RECQL: variants seen among roughly 807,000 people sequenced by gnomAD.
RECQL encodes RecQ like helicase.
Under a neutral mutation model 75.8 loss-of-function variants are expected in RECQL, and 73 were observed. The ratio of observed to expected loss-of-function variants is 0.96; its 90% confidence interval spans 0.80 to 1.17. The LOEUF (loss-of-function observed/expected upper bound fraction) is 1.17, where lower values mean the gene tolerates loss of function less well. Among genes scored for constraint, RECQL ranks in the 50% most tolerant of loss-of-function variants. The probability of loss-of-function intolerance (pLI) is 0.00; values close to 1 mark genes in which losing one functional copy is unlikely to be tolerated. For missense variants in RECQL, 699 were observed against 772.1 expected (o/e 0.91, Z 1.12); for synonymous variants, 248 against 254.4 (o/e 0.97, Z 0.24).
chr12:21,494,222 G>A lies in RECQL; in HGVS notation c.17-2506C>T, dbSNP rs78572214. Among the ~76,000 whole-genome samples, 1,005 of 152,130 alleles carry A rather than the reference G, an allele frequency of 6.6e-3. 10 individuals carry two copies. Among genetic ancestry groups the A allele is most frequent in the Middle Eastern group, 0.02 (6 of 294 alleles). The stretch of plus-strand genomic sequence containing the variant: ...AAGAACTCAGTCATTACCATAGGGA[G>A]GGCACCAAACCATTCATGAGGGATC... On this transcript the variant is annotated intron_variant, in intron 2 of 14. Coordinates refer to ENST00000444129, the MANE Select transcript of RECQL (RefSeq NM_002907.4).
Position 21,483,438 on chromosome 12 carries a change from A to G in RECQL, c.638T>C (p.Phe213Ser). 1.2e-6 allele frequency: 2 copies of G among 1,606,522 alleles called. No individual in the cohort carries two copies. The highest frequency in any genetic ancestry group is 2.2e-5 in the South Asian group (2 of 89,652). ...RLEKAYEARR[F>S]TRIAVDEVHC... Reference sequence around the variant, plus strand: ...AACTTCATCCACAGCAATTCGAGTAAATCTCCTTGCTTCATAGGCTTTCTC... The same window carrying G: ...AACTTCATCCACAGCAATTCGAGTAGATCTCCTTGCTTCATAGGCTTTCTC... The change falls in exon 6 of 15, where the codon TTT becomes TCT. Residue 213 changes from phenylalanine to serine, a missense_variant. Physicochemically the swap from Phe to Ser is radical, Grantham distance 155. This residue lies in a region of RECQL where 669 missense variants were observed against 713.5 expected (regional missense o/e 0.94). Transcript: ENST00000444129.
intron 5 of RECQL, among the ~76,000 whole-genome samples, chr12:21,484,611 A>AT (rs1450293665): frequency 6.6e-6 from 1 of 152,188 alleles, no homozygotes; most frequent in Admixed American, 6.5e-5. Flanking sequence ...CAGGAAATGC[A>AT]TAAAATGAAC....
chr12:21,491,612 CT>C lies in RECQL; in HGVS notation c.120del (p.Val41SerfsTer2), dbSNP rs745659712. The C allele has an allele frequency of 5.6e-6, 9 of 1,608,174 alleles. No individual in the cohort carries two copies. Among genetic ancestry groups the C allele is most frequent in the Admixed American group, 5.0e-5 (3 of 59,646 alleles). ...ERQQELIQKK[K>X]VLTKKIKQCL... ...CACTGCTTTATTTTCTTTGTCAGGA[CT>C]TTTTTTTTCTGAATAAGCTCTTGTT... On this transcript the variant is annotated frameshift_variant, in exon 3 of 15. Coordinates refer to ENST00000444129, the MANE Select transcript of RECQL (RefSeq NM_002907.4). LOFTEE classifies it high-confidence loss of function.
At chr12:21,480,359 C>A (rs1943169556) in intron 6 of RECQL, among the ~76,000 whole-genome samples, 1 of 152,156 alleles carries the variant, frequency 6.6e-6, no homozygotes, top group Admixed American at 6.5e-5. Context: ...ACTTAGGAAG[C>A]TGCTGCAGTA....
intron 6 of RECQL, among the ~76,000 whole-genome samples, chr12:21,481,628 T>C (rs560673011): frequency 1.3e-5 from 2 of 152,120 alleles, no homozygotes; most frequent in Non-Finnish European, 2.9e-5. Flanking sequence ...CTATTTAAAA[T>C]ATATAAATAA....
intron 5 of RECQL, among the ~76,000 whole-genome samples, chr12:21,485,526 A>G (rs1344454705): frequency 2.0e-5 from 3 of 152,014 alleles, no homozygotes; most frequent in East Asian, 1.9e-4. Flanking sequence ...ATGCATGAAT[A>G]TTATCTGGGC....
intron 3 of RECQL, among the ~76,000 whole-genome samples, 170 bp downstream of exon 3, chr12:21,491,349 A>G (rs907311907): frequency 1.3e-5 from 2 of 152,212 alleles, no homozygotes; most frequent in Non-Finnish European, 2.9e-5. Flanking sequence ...TTTGAAGACT[A>G]CAGAACACAG....
At position 21,476,897 on chromosome 12, in the gene RECQL, T is replaced by G. The variant is rs1943096826; in HGVS notation, c.949+14A>C. The G allele has an allele frequency of 1.9e-6, 3 of 1,581,310 alleles. No homozygotes were observed. Among genetic ancestry groups the G allele is most frequent in the African/African-American group, 1.4e-5 (1 of 73,646 alleles). On this transcript the variant is annotated intron_variant, in intron 8 of 14. Transcript: ENST00000444129. ...GTTATCTCTGTCTCCAAAGTTGGTT[T>G]GTTTTTACATTACCTGATTGCCCTT...
chr12:21,490,075 G>T (rs1392842664), intron 4 of RECQL, 124 bp downstream of exon 4: 15 of 489,388 alleles, frequency 3.1e-5, no homozygotes, highest in African/African-American at 2.8e-4. Context: ...TAATATAGAA[G>T]AAATCAAACA....
chr12:21,489,238 C>A (rs572207125), intron 4 of RECQL, among the ~76,000 whole-genome samples: 24 of 152,340 alleles, frequency 1.6e-4, no homozygotes, highest in Non-Finnish European at 2.9e-5. Flanking sequence ...CACAGCTACA[C>A]CCATGTGTTT....
chr12:21,477,995 T>C (rs1565566343), intron 6 of RECQL, 26 bp from the exon 7 acceptor site: 1 of 1,583,850 alleles, frequency 6.3e-7, no homozygotes, highest in Non-Finnish European at 8.6e-7. Context: ...AAGTGGCCCT[T>C]TTTCTATCCT....
intron 6 of RECQL, 35 bp downstream of exon 6, chr12:21,483,341 G>T: frequency 7.0e-7 from 1 of 1,418,760 alleles, no homozygotes; most frequent in Non-Finnish European, 9.9e-7. Flanking sequence ...CACGGTCTAT[G>T]ACATCAAAAA....
intron 12 of RECQL, 50 bp from the exon 13 acceptor site, chr12:21,471,697 G>A (rs775136190): frequency 8.6e-6 from 12 of 1,398,934 alleles, no homozygotes; most frequent in Non-Finnish European, 1.1e-5. Context: ...AGAAATGAGG[G>A]CAAAGATAGG....
chr12:21,490,501 T>C, intron 3 of RECQL, 123 bp from the exon 4 acceptor site: 1 of 608,496 alleles, frequency 1.6e-6, no homozygotes, highest in Non-Finnish European at 2.7e-6. Context: ...ATGATAATAG[T>C]TTTGAGATTA....
rs1446208953 is a variant in RECQL, at chr12:21,471,480, G to A, written c.1615C>T (p.Arg539Cys). 10 of 1,613,148 alleles carry A rather than the reference G, an allele frequency of 6.2e-6. No homozygotes were observed. The highest frequency in any genetic ancestry group is 2.2e-5 in the East Asian group (1 of 44,856). ...VAGVVAPTLP[R>C]EDLEKIIAHF... is the part of the protein sequence containing the mutation. ...GCAATAATCTTCTCCAGATCTTCAC[G>A]AGGAAGTGTGGGAGCCACAACACCT... The change falls in exon 13 of 15, where the codon CGT becomes TGT. Residue 539 changes from arginine to cysteine, a missense_variant. Coordinates refer to ENST00000444129, the MANE Select transcript of RECQL (RefSeq NM_002907.4).
chr12:21,492,112 C>A (rs926526483), intron 2 of RECQL, among the ~76,000 whole-genome samples: 2 of 152,120 alleles, frequency 1.3e-5, no homozygotes, highest in African/African-American at 4.8e-5. Flanking sequence ...TCTCCTAAAT[C>A]ATTTAAGTAA....
intron 6 of RECQL, among the ~76,000 whole-genome samples, chr12:21,478,456 T>C (rs1016470767): frequency 2.6e-5 from 4 of 152,158 alleles, no homozygotes; most frequent in African/African-American, 4.8e-5. Context: ...AGAGGACTAC[T>C]ATGAAAACAA....
intron 6 of RECQL, 51 bp downstream of exon 6, chr12:21,483,325 T>G: frequency 1.7e-6 from 2 of 1,202,008 alleles, no homozygotes; most frequent in Non-Finnish European, 2.4e-6. Flanking sequence ...CCAAGCTGAG[T>G]AAGGACACGG....
rs200660773 is a variant in RECQL at position 21,490,193 on chromosome 12, A to G, written c.394+6T>C. 6.1e-5 allele frequency: 97 copies of G among 1,585,204 alleles called. No homozygotes were observed. In the African/African-American group the frequency reaches 1.2e-3, roughly 19 times the overall value. On this transcript the variant is annotated splice_donor_region_variant and intron_variant, in intron 4 of 14. Transcript: ENST00000444129. ...TCAACTCAAAATTAATTTTTTTAGT[A>G]CATACCATCTGAACATAATGCTGGT... is the stretch of plus-strand genomic sequence containing the variant.
Sources: gnomAD v4.1 joint callset for allele counts (sites outside exome capture counted in the v4.1 genomes callset) on GRCh38, gnomAD v4.1.1 for gene constraint, gnomAD v4.1.1 regional missense constraint, MANE v1.5 for transcripts, NCBI Gene and HGNC (gene_info 2026-07-23, HGNC 2026-07-21) for gene names.